Variants in NCKIPSD observed in about 807,000 individuals in gnomAD.
The protein encoded by NCKIPSD is NCK-interacting protein with SH3 domain.
A neutral mutation model predicts 73.4 loss-of-function variants in NCKIPSD; 48 were observed. That is an observed-to-expected ratio of 0.65 (90% CI 0.52 to 0.83). The LOEUF (loss-of-function observed/expected upper bound fraction) is 0.83, where lower values mean the gene tolerates loss of function less well. NCKIPSD is among the 40% of genes least tolerant of loss of function. The pLI is 0.00. For synonymous variants in NCKIPSD, 422 were observed against 403.6 expected, an observed-to-expected ratio of 1.05 and a Z score of -0.54; for missense variants, 884 against 970.2, an observed-to-expected ratio of 0.91 and a Z score of 1.18.
At chr3:48,681,986 C>T in intron 4 of NCKIPSD, 59 bp downstream of exon 4, 1 of 1,553,830 alleles carries the variant, frequency 6.4e-7, no homozygotes, top group Non-Finnish European at 8.7e-7. Context: ...ACACAGGCAG[C>T]ACAACCATTC....
chr3:48,678,499 G>T (rs2077289907), intron 12 of NCKIPSD, 65 bp downstream of exon 12: 17 of 1,514,234 alleles, frequency 1.1e-5, no homozygotes, highest in Non-Finnish European at 1.8e-6. Context: ...TCAATGTCAT[G>T]CCCCCCACCA....
At chr3:48,682,692 G>T (rs1475534897) in intron 2 of NCKIPSD, 140 bp from the exon 3 acceptor site, 2 of 1,164,194 alleles carry the variant, frequency 1.7e-6, no homozygotes, top group African/African-American at 1.5e-5. Context: ...CCAGCCTACA[G>T]TACCCCATAC....
chr3:48,676,348 C>G (rs2077256871), intron 12 of NCKIPSD, among the ~76,000 whole-genome samples: 1 of 152,148 alleles, frequency 6.6e-6, no homozygotes, highest in Admixed American at 6.5e-5. Context: ...TGGGCCTGGA[C>G]CTGAACTCTC....
intron 12 of NCKIPSD, among the ~76,000 whole-genome samples, chr3:48,677,895 T>C (rs1006256455): frequency 6.6e-6 from 1 of 152,116 alleles, no homozygotes; most frequent in African/African-American, 2.4e-5. Context: ...CCGAAATGTC[T>C]CTCTAGTCTC....
chr3:48,683,493 G>T lies in NCKIPSD; in HGVS notation c.172-481C>A, dbSNP rs560839580. Among the ~76,000 whole-genome samples the T allele has an allele frequency of 2.0e-5, 3 of 152,302 alleles. No homozygotes were observed. The Middle Eastern group carries it at 0.01, about 518-fold the overall frequency. On this transcript the variant is annotated intron_variant, in intron 1 of 12. Transcript: ENST00000294129. Reference sequence around the variant, plus strand: ...CAAGGTCATACCCCAGAACAGCCCTGTCCTTGTAAGGGCCCTCTGTAAGCC... The same window carrying T: ...CAAGGTCATACCCCAGAACAGCCCTTTCCTTGTAAGGGCCCTCTGTAAGCC...
chr3:48,683,120 C>T, intron 1 of NCKIPSD, 108 bp from the exon 2 acceptor site: 1 of 1,528,228 alleles, frequency 6.5e-7, no homozygotes, highest in Non-Finnish European at 8.8e-7. Context: ...TAGCGAAAGC[C>T]TGGAATGCTA....
intron 6 of NCKIPSD, 52 bp downstream of exon 6, chr3:48,680,007 G>A: frequency 1.2e-6 from 2 of 1,602,864 alleles, no homozygotes; most frequent in African/African-American, 1.3e-5. Flanking sequence ...ATGCTACAGG[G>A]TGGGGGCCAC....
Position 48,674,507 on chromosome 3 carries a change from C to T in NCKIPSD, c.*37G>A. On this transcript the variant is annotated 3_prime_UTR_variant, in exon 13 of 13. Coordinates refer to ENST00000294129, the MANE Select transcript of NCKIPSD (RefSeq NM_016453.4). Reference sequence around the variant, plus strand: ...GCCAAGCCCCTGAGTCCCCTGCACACTGACTGGAGCTGCAGGGAAGGGAGG... The same window carrying T: ...GCCAAGCCCCTGAGTCCCCTGCACATTGACTGGAGCTGCAGGGAAGGGAGG... The T allele has an allele frequency of 6.4e-7, 1 of 1,555,690 alleles. No homozygotes were observed. Among genetic ancestry groups the T allele is most frequent in the Non-Finnish European group, 8.7e-7 (1 of 1,149,386 alleles).
chr3:48,683,054 C>T (rs761705900), intron 1 of NCKIPSD, 42 bp from the exon 2 acceptor site: 44 of 1,545,224 alleles, frequency 2.8e-5, no homozygotes, highest in Middle Eastern at 1.7e-4. Context: ...GAAGGCCAAA[C>T]GGAGGTGCTC....
rs1476874274 is a variant in NCKIPSD at position 48,685,628 on chromosome 3, C to T, written c.171+9G>A. 2.6e-6 allele frequency: 4 copies of T among 1,517,882 alleles called. No individual in the cohort carries two copies. The highest frequency in any genetic ancestry group is 2.6e-6 in the Non-Finnish European group (3 of 1,139,182). The allele number at this position is 1,517,882 out of a possible 1,614,324, so 94.0% of individuals were successfully genotyped here. ...GGCGCGGAGGCCGGGCGGGAAGGGG[C>T]GCACTCACCTGCAGGCGGCGCAGGT... is the stretch of plus-strand genomic sequence containing the variant. On this transcript the variant is annotated intron_variant, in intron 1 of 12. Transcript: ENST00000294129.
At chr3:48,681,965 C>T in intron 4 of NCKIPSD, 80 bp downstream of exon 4, 1 of 1,522,882 alleles carries the variant, frequency 6.6e-7, no homozygotes, top group South Asian at 1.2e-5. Flanking sequence ...CTTAGAGCCT[C>T]CATTTCCCTG....
intron 12 of NCKIPSD, 46 bp downstream of exon 12, chr3:48,678,518 C>A: frequency 6.4e-7 from 1 of 1,558,144 alleles, no homozygotes; most frequent in South Asian, 1.2e-5. Context: ...CATTTTGTTT[C>A]AGTTTCCACA....
At position 48,676,720 on chromosome 3, in the gene NCKIPSD, T is replaced by TGGACTC. The variant is rs528043438; in HGVS notation, c.1965+1838_1965+1843dup. On this transcript the variant is annotated intron_variant, in intron 12 of 12. Transcript: ENST00000294129. ...GTTGCCCAGGCTGATCTTGAACTCA[T>TGGACTC]GGACTCAAGTGATCCTCCCACTTCG... 8.9e-4 allele frequency among the ~76,000 whole-genome samples: 135 copies of TGGACTC among 152,152 alleles called. No individual in the cohort carries two copies. The Middle Eastern group carries it at 0.017, about 19-fold the overall frequency.
Position 48,679,668 on chromosome 3 carries a change from C to A in NCKIPSD, c.1396G>T (p.Ala466Ser). Residue 466 changes from alanine (A) to serine (S), a missense_variant, in exon 8 of 13, where the codon GCC becomes TCC. Ala to Ser is a moderately conservative substitution (Grantham distance 99, BLOSUM62 1). Transcript: ENST00000294129. Reference protein sequence around the residue: ...LRLLLLKCFGAMCSLDAAIIS... With the variant: ...LRLLLLKCFGSMCSLDAAIIS... ...ATGGCTGCATCCAGGCTGCACATGG[C>A]GCCAAAGCACTTGAGGAGCAGCAGC... 6.2e-7 allele frequency: 1 copy of A among 1,614,170 alleles called. No homozygotes were observed. Among genetic ancestry groups the A allele is most frequent in the Non-Finnish European group, 8.5e-7 (1 of 1,180,032 alleles).
At chr3:48,678,529 C>T in intron 12 of NCKIPSD, 35 bp downstream of exon 12, 1 of 1,582,074 alleles carries the variant, frequency 6.3e-7, no homozygotes, top group Non-Finnish European at 8.6e-7. Context: ...AGTTTCCACA[C>T]AGTGACCCCC....
At position 48,679,681 on chromosome 3, in the gene NCKIPSD, G is replaced by C. The variant is rs1482290334; in HGVS notation, c.1383C>G (p.Leu461=). The C allele has an allele frequency of 2.5e-6, 4 of 1,614,100 alleles. No individual in the cohort carries two copies. Among genetic ancestry groups the C allele is most frequent in the Non-Finnish European group, 2.5e-6 (3 of 1,180,048 alleles). The stretch of plus-strand genomic sequence containing the variant: ...GGCTGCACATGGCGCCAAAGCACTT[G>C]AGGAGCAGCAGCCGCAGTGATGCTC... ...EHRASLRLLL[L]KCFGAMCSLD... is the part of the protein sequence containing the mutation. The change falls in exon 8 of 13, where the codon CTC becomes CTG. Residue 461 remains leucine (L), a synonymous_variant. Transcript: ENST00000294129.
chr3:48,677,724 T>A (rs1356085536), intron 12 of NCKIPSD, among the ~76,000 whole-genome samples: 1 of 152,224 alleles, frequency 6.6e-6, no homozygotes, highest in Non-Finnish European at 1.5e-5. Context: ...ACATGTGGCT[T>A]TGGGCTCCTG....
intron 12 of NCKIPSD, among the ~76,000 whole-genome samples, chr3:48,675,546 T>C (rs1449083890): frequency 7.3e-6 from 1 of 137,164 alleles, no homozygotes; most frequent in East Asian, 2.0e-4. Context: ...TATATATATA[T>C]CATTTTTTTT....
rs1204099039 is a variant in NCKIPSD at position 48,681,602 on chromosome 3, C to G, written c.777G>C (p.Gln259His). 1 of 1,613,834 alleles carries G rather than the reference C, an allele frequency of 6.2e-7. No homozygotes were observed. Among genetic ancestry groups the G allele is most frequent in the African/African-American group, 1.3e-5 (1 of 74,896 alleles). The change falls in exon 5 of 13, where the codon CAG becomes CAC. Residue 259 changes from glutamine (Q) to histidine (H), a missense_variant. Coordinates refer to ENST00000294129, the MANE Select transcript of NCKIPSD (RefSeq NM_016453.4). Reference sequence around the variant, plus strand: ...GTGCTGATGCCTTGGAGGGAGGGGGCTGGACTTGGGACACGGTGGTGTGGG... The same window carrying G: ...GTGCTGATGCCTTGGAGGGAGGGGGGTGGACTTGGGACACGGTGGTGTGGG... ...RGTHTTVSQV[Q>H]PPPSKASAPE...
Sources: allele counts gnomAD v4.1 joint callset (sites outside exome capture counted in the v4.1 genomes callset), GRCh38; gene constraint gnomAD v4.1.1; transcripts MANE v1.5; gene names NCBI Gene and HGNC (gene_info 2026-07-23, HGNC 2026-07-21).